The following ALPK2 variants were observed in gnomAD, a reference collection of about 807,000 sequenced individuals.
ALPK2 encodes the protein alpha kinase 2.
Under a neutral mutation model 163.1 loss-of-function variants are expected in ALPK2, and 127 were observed. That is an observed-to-expected ratio of 0.78 (90% CI 0.67 to 0.90). The LOEUF is 0.90. Ranked by LOEUF, ALPK2 falls within the 40% of genes least tolerant of loss-of-function variation. The pLI, the probability that ALPK2 is intolerant of heterozygous loss-of-function variation, is 0.00. For missense variants in ALPK2, 2,360 were observed against 2,589.6 expected (o/e 0.91, Z 1.92); for synonymous variants, 953 against 959.1 (o/e 0.99, Z 0.12).
At position 58,537,346 on chromosome 18, in the gene ALPK2, AG is replaced by A; in HGVS notation, c.2840del (p.Ser947PhefsTer7). The A allele has an allele frequency of 6.2e-7, 1 of 1,614,076 alleles. No individual in the cohort carries two copies. The highest frequency in any genetic ancestry group is 8.5e-7 in the Non-Finnish European group (1 of 1,179,966). On this transcript the variant is annotated frameshift_variant, in exon 5 of 13. Coordinates refer to ENST00000361673, the MANE Select transcript of ALPK2 (RefSeq NM_052947.4). LOFTEE classifies it high-confidence loss of function. ...ATTGCACTAAAGGATTGTTCTCAGA[AG>A]AAAGGAGCTGTGTTTCATCAAGCCC... The part of the protein sequence containing the change: ...SGGLDETQLL[S>X]SENNPLVQFK...
chr18:58,559,743 C>CAG (rs1434674889), intron 4 of ALPK2, among the ~76,000 whole-genome samples: 1 of 152,200 alleles, frequency 6.6e-6, no homozygotes, highest in Non-Finnish European at 1.5e-5. Context: ...TCTTCCACGT[C>CAG]AGATTTTCTA....
At chr18:58,508,675 AC>A (rs975354776) in intron 10 of ALPK2, among the ~76,000 whole-genome samples, 5 of 151,970 alleles carry the variant, frequency 3.3e-5, no homozygotes, top group African/African-American at 1.2e-4. Context: ...ATGGATAACC[AC>A]CCCCATAAAA....
chr18:58,550,174 C>G (rs1024889908), intron 4 of ALPK2, among the ~76,000 whole-genome samples: 1 of 152,036 alleles, frequency 6.6e-6, no homozygotes, highest in Non-Finnish European at 1.5e-5. Context: ...AATACAAAAC[C>G]TATTTATTTT....
chr18:58,484,593 A>G (rs2051329061), intron 12 of ALPK2, among the ~76,000 whole-genome samples: 2 of 152,086 alleles, frequency 1.3e-5, no homozygotes, highest in African/African-American at 4.8e-5. Context: ...AAAATACAAA[A>G]ATTAGCTGGG....
chr18:58,501,249 G>A (rs2051430026), intron 11 of ALPK2, among the ~76,000 whole-genome samples: 1 of 152,206 alleles, frequency 6.6e-6, no homozygotes, highest in Non-Finnish European at 1.5e-5. Flanking sequence ...AACTAACTGT[G>A]CATGAAGCCC....
At chr18:58,543,427 T>C (rs2051701826) in intron 4 of ALPK2, 1 of 985,168 alleles carries the variant, frequency 1.0e-6, no homozygotes, top group Non-Finnish European at 1.2e-6. Flanking sequence ...TGTGCGTTGA[T>C]ACAGGCAGGA....
At chr18:58,483,316 A>G (rs1355462708) in intron 12 of ALPK2, among the ~76,000 whole-genome samples, 1 of 152,182 alleles carries the variant, frequency 6.6e-6, no homozygotes, top group Non-Finnish European at 1.5e-5. Flanking sequence ...AACATAAGTC[A>G]TATCTCCTGC....
intron 4 of ALPK2, among the ~76,000 whole-genome samples, chr18:58,555,620 C>CT (rs1332796269): frequency 6.6e-6 from 1 of 152,200 alleles, no homozygotes; most frequent in Non-Finnish European, 1.5e-5. Context: ...TAAGTGTACC[C>CT]TTTATCATCT....
intron 3 of ALPK2, among the ~76,000 whole-genome samples, chr18:58,600,950 T>C (rs1204269348): frequency 6.6e-6 from 1 of 152,154 alleles, no homozygotes; most frequent in African/African-American, 2.4e-5. Flanking sequence ...TAATGTTTGT[T>C]GGATAAATGA....
At chr18:58,526,878 A>G (rs2051587548) in intron 6 of ALPK2, among the ~76,000 whole-genome samples, 1 of 152,256 alleles carries the variant, frequency 6.6e-6, no homozygotes, top group African/African-American at 2.4e-5. Flanking sequence ...ATCTAGTGAA[A>G]GAGAATGCTT....
intron 3 of ALPK2, among the ~76,000 whole-genome samples, chr18:58,590,835 C>T (rs1043739198): frequency 2.0e-5 from 3 of 152,174 alleles, no homozygotes; most frequent in Admixed American, 6.5e-5. Context: ...AGAGCCGAAA[C>T]GGACCTCAGA....
rs1297097014 is a variant in ALPK2, at chr18:58,611,696, T to G, written c.102A>C (p.Ile34=). Residue 34 remains isoleucine (I), a synonymous_variant, in exon 2 of 13, where the codon ATA becomes ATC. Transcript: ENST00000361673. ...PEKSDAVLRC[I]ISGQPKPEVT... ...TAGTCTAGTGATGGTTACCAGATAT[T>G]ATGCAGCGAAGCACAGCGTCTGACT... 6.2e-7 allele frequency: 1 copy of G among 1,612,332 alleles called. No homozygotes were observed. The highest frequency in any genetic ancestry group is 8.5e-7 in the Non-Finnish European group (1 of 1,179,252).
At chr18:58,500,919 G>T (rs2051428642) in intron 11 of ALPK2, among the ~76,000 whole-genome samples, 1 of 152,170 alleles carries the variant, frequency 6.6e-6, no homozygotes, top group Non-Finnish European at 1.5e-5. Flanking sequence ...CCACAAACCT[G>T]CAGGACCTGG....
At chr18:58,547,395 C>A (rs2051723059) in intron 4 of ALPK2, among the ~76,000 whole-genome samples, 1 of 152,234 alleles carries the variant, frequency 6.6e-6, no homozygotes, top group Non-Finnish European at 1.5e-5. Context: ...TGGAGAACGG[C>A]TCACCATGAA....
In ALPK2 at chr18:58,504,157, G is replaced by A; in HGVS notation, c.6030-9C>T. On this transcript the variant is annotated splice_polypyrimidine_tract_variant and intron_variant, in intron 10 of 12. Transcript: ENST00000361673. ...GAAAAATAGGAATGATCCTGGCAGG[G>A]AAGAGAACACAGGCGCACATCAAGG... The A allele has an allele frequency of 6.2e-7, 1 of 1,611,242 alleles. No individual in the cohort carries two copies. Among genetic ancestry groups the A allele is most frequent in the Non-Finnish European group, 8.5e-7 (1 of 1,177,546 alleles).
intron 1 of ALPK2, among the ~76,000 whole-genome samples, chr18:58,618,836 G>A (rs1194896099): frequency 2.6e-5 from 4 of 151,430 alleles, no homozygotes; most frequent in African/African-American, 9.7e-5. Flanking sequence ...TCAGCAAGTC[G>A]CATGGCTGCT....
At chr18:58,524,951 C>CAAAAA (rs377122433) in intron 6 of ALPK2, among the ~76,000 whole-genome samples, 3 of 106,094 alleles carry the variant, frequency 2.8e-5, no homozygotes, top group Admixed American at 9.6e-5. Flanking sequence ...TACTCTACAG[C>CAAAAA]AAAAAAAAAA....
At chr18:58,593,782 G>A (rs1460831552) in intron 3 of ALPK2, among the ~76,000 whole-genome samples, 1 of 151,934 alleles carries the variant, frequency 6.6e-6, no homozygotes, top group African/African-American at 2.4e-5. Context: ...GGAGGCTGAG[G>A]CATGAGAATT....
chr18:58,504,151 G>A lies in ALPK2; in HGVS notation c.6030-3C>T. The stretch of plus-strand genomic sequence containing the variant: ...GGATAAGAAAAATAGGAATGATCCT[G>A]GCAGGGAAGAGAACACAGGCGCACA... On this transcript the variant is annotated splice_polypyrimidine_tract_variant and splice_region_variant and intron_variant, in intron 10 of 12. Transcript: ENST00000361673. 1.9e-6 allele frequency: 3 copies of A among 1,613,016 alleles called. No individual in the cohort carries two copies. Among genetic ancestry groups the A allele is most frequent in the South Asian group, 2.2e-5 (2 of 91,038 alleles).
Sources: allele counts gnomAD v4.1 joint callset (sites outside exome capture counted in the v4.1 genomes callset), GRCh38; gene constraint gnomAD v4.1.1; transcripts MANE v1.5; gene names NCBI Gene and HGNC (gene_info 2026-07-23, HGNC 2026-07-21).